The following OR52N4 variants were observed in gnomAD, a reference collection of about 807,000 sequenced individuals.
OR52N4 encodes the protein olfactory receptor 52N4.
OR52N4 carries 15 observed loss-of-function variants against 15.0 expected under a neutral mutation model. That is an observed-to-expected ratio of 1.00 (90% CI 0.67 to 1.54). The LOEUF is 1.54. Among genes scored for constraint, OR52N4 ranks in the 40% most tolerant of loss-of-function variants. The probability of loss-of-function intolerance (pLI) is 0.00; values close to 1 mark genes in which losing one functional copy is unlikely to be tolerated. For synonymous variants in OR52N4, 143 were observed against 143.7 expected (o/e 1.00, Z 0.03); for missense variants, 421 against 394.0 (o/e 1.07, Z -0.58).
chr11:5,736,724 A>T, the OR52N4 span: 2 of 1,613,964 alleles, frequency 1.2e-6, no homozygotes, highest in Non-Finnish European at 1.7e-6. Context: ...GCCCATGTAT[A>T]TTTTCCTTGG....
chr11:5,745,205 A>G, the OR52N4 span, among the ~76,000 whole-genome samples: 128,444 of 152,076 alleles, frequency 0.84, 54,421 homozygotes, highest in Non-Finnish European at 0.86. Flanking sequence ...AGAGCAATCA[A>G]GGAAAAGAAA....
chr11:5,740,872 G>C, the OR52N4 span, among the ~76,000 whole-genome samples: 1 of 126,636 alleles, frequency 7.9e-6, no homozygotes, highest in Non-Finnish European at 1.7e-5. Flanking sequence ...TTGCATCTCA[G>C]AACTCCATGA....
the OR52N4 span, chr11:5,737,581 T>A: frequency 1.7e-6 from 2 of 1,171,112 alleles, no homozygotes; most frequent in Non-Finnish European, 2.4e-6. Context: ...TGAATACCTT[T>A]GGGATTCCCT....
chr11:5,755,948 A>G lies in OR52N4; in HGVS notation c.*242A>G. On this transcript the variant is annotated 3_prime_UTR_variant, in exon 2 of 2. Coordinates refer to ENST00000641350, the MANE Select transcript of OR52N4 (RefSeq NM_001005175.5). ...CAGTCTAATAATTAAACCATATTTT[A>G]TTCGACAAAACCTAATGAGTCCATT... is the stretch of plus-strand genomic sequence containing the variant. 4.3e-6 allele frequency: 2 copies of G among 469,348 alleles called. No homozygotes were observed. The highest frequency in any genetic ancestry group is 7.3e-5 in the South Asian group (2 of 27,482). The allele number at this position is 469,348 out of a possible 1,614,324, so 29.1% of individuals were successfully genotyped here. A position where few individuals can be genotyped will look rare whatever the true frequency, so the allele number is the denominator to read the frequency against.
At chr11:5,748,848 A>AT in the OR52N4 span, among the ~76,000 whole-genome samples, 1 of 152,000 alleles carries the variant, frequency 6.6e-6, no homozygotes, top group Non-Finnish European at 1.5e-5. Context: ...GTTCATTTTC[A>AT]TTCTCTCCCT....
At chr11:5,743,262 T>C in the OR52N4 span, among the ~76,000 whole-genome samples, 2 of 152,072 alleles carry the variant, frequency 1.3e-5, no homozygotes, top group African/African-American at 4.8e-5. Context: ...CTAAGTAAAG[T>C]GGTAGAAACA....
chr11:5,736,983 T>C, the OR52N4 span: 1 of 1,614,162 alleles, frequency 6.2e-7, no homozygotes, highest in East Asian at 2.2e-5. Context: ...GCTACCCTGT[T>C]CATGGTGCTG....
the OR52N4 span, chr11:5,727,150 C>T: frequency 1.3e-5 from 2 of 152,852 alleles, no homozygotes; most frequent in Admixed American, 1.3e-4. Context: ...TTGCATTGGT[C>T]TCTCCTATGC....
At chr11:5,744,384 G>C in the OR52N4 span, among the ~76,000 whole-genome samples, 6 of 152,180 alleles carry the variant, frequency 3.9e-5, no homozygotes, top group African/African-American at 1.4e-4. Context: ...TGATTCCAAA[G>C]CCGGGTAAGG....
chr11:5,753,112 A>G (rs1330585177), upstream of OR52N4, among the ~76,000 whole-genome samples: 1 of 152,146 alleles, frequency 6.6e-6, no homozygotes, highest in African/African-American at 2.4e-5. Context: ...TAAGCATTCT[A>G]ATTGATGTAT....
At chr11:5,745,633 ACACAGT>A in the OR52N4 span, among the ~76,000 whole-genome samples, 2 of 152,206 alleles carry the variant, frequency 1.3e-5, no homozygotes, top group African/African-American at 2.4e-5. Context: ...AAAGCAATCT[ACACAGT>A]CAATGTGATC....
chr11:5,748,879 T>TA, the OR52N4 span, among the ~76,000 whole-genome samples: 1 of 151,996 alleles, frequency 6.6e-6, no homozygotes, highest in Non-Finnish European at 1.5e-5. Flanking sequence ...TACACTCTAA[T>TA]ACACAAACAC....
the OR52N4 span, among the ~76,000 whole-genome samples, chr11:5,728,815 G>GA: frequency 3.3e-5 from 5 of 152,142 alleles, no homozygotes; most frequent in African/African-American, 4.8e-5. Context: ...ATTTTTCAGA[G>GA]AAAAAATAAT....
the OR52N4 span, chr11:5,734,199 T>C: frequency 4.6e-5 from 21 of 456,368 alleles, no homozygotes; most frequent in African/African-American, 3.4e-4. Context: ...CTGCCACGCC[T>C]AGGATCCCAG....
At chr11:5,736,046 T>A in the OR52N4 span, 1 of 164,258 alleles carries the variant, frequency 6.1e-6, no homozygotes. Flanking sequence ...GTCTTCATTA[T>A]ATGACTTCTC....
chr11:5,743,690 T>TA, the OR52N4 span, among the ~76,000 whole-genome samples: 1 of 152,114 alleles, frequency 6.6e-6, no homozygotes, highest in Non-Finnish European at 1.5e-5. Flanking sequence ...ACACATGAAA[T>TA]AGAGACACAA....
chr11:5,737,437 T>C, the OR52N4 span: 2 of 1,613,842 alleles, frequency 1.2e-6, no homozygotes, highest in South Asian at 2.2e-5. Flanking sequence ...CCAAAGAACT[T>C]AGGGCAGCCT....
chr11:5,755,212 A>G lies in OR52N4; in HGVS notation c.472A>G (p.Ile158Val). The change falls in exon 2 of 2, where the codon ATT becomes GTT. Residue 158 changes from isoleucine (I) to valine (V), a missense_variant. Ile to Val is a conservative substitution (Grantham distance 29). Transcript: ENST00000641350. ...TATFLRGVLL[I>V]IPFTFLTKLL... ...CACCTTCCTGAGAGGGGTATTACTC[A>G]TTATTCCCTTTACTTTCCTCACCAA... is the stretch of plus-strand genomic sequence containing the variant. 6.2e-7 allele frequency: 1 copy of G among 1,613,882 alleles called. No individual in the cohort carries two copies. The highest frequency in any genetic ancestry group is 8.5e-7 in the Non-Finnish European group (1 of 1,179,926).
the OR52N4 span, among the ~76,000 whole-genome samples, chr11:5,733,756 A>C: frequency 6.6e-6 from 1 of 152,142 alleles, no homozygotes; most frequent in African/African-American, 2.4e-5. Context: ...TTTTGAATGA[A>C]AGCTTTCTCC....
Sources: allele counts gnomAD v4.1 joint callset (sites outside exome capture counted in the v4.1 genomes callset), GRCh38; gene constraint gnomAD v4.1.1; transcripts MANE v1.5; gene names NCBI Gene and HGNC (gene_info 2026-07-23, HGNC 2026-07-21).